TMEM178B: variants seen among roughly 807,000 people sequenced by gnomAD.
TMEM178B encodes the protein transmembrane protein 178B.
Under a neutral mutation model 31.0 loss-of-function variants are expected in TMEM178B, and 5 were observed. The ratio of observed to expected loss-of-function variants is 0.16; its 90% CI spans 0.08 to 0.34. TMEM178B has a LOEUF of 0.34. Among genes scored for constraint, TMEM178B ranks in the 10% least tolerant of loss-of-function variants. The pLI, the probability that TMEM178B is intolerant of heterozygous loss-of-function variation, is 1.00. For missense variants in TMEM178B, 275 were observed against 400.3 expected, an observed-to-expected ratio of 0.69 and a Z score of 2.67; for synonymous variants, 164 against 164.0, an observed-to-expected ratio of 1.00 and a Z score of 0.00.
chr7:141,307,480 G>A (rs902328104), intron 2 of TMEM178B, among the ~76,000 whole-genome samples: 1 of 152,204 alleles, frequency 6.6e-6, no homozygotes, highest in African/African-American at 2.4e-5. Context: ...CCTCAGTAGG[G>A]CTCCTTTCTG....
chr7:141,489,075 G>A, the TMEM178B span, among the ~76,000 whole-genome samples: 1 of 152,000 alleles, frequency 6.6e-6, no homozygotes, highest in Non-Finnish European at 1.5e-5. Context: ...ACTTTTTTCT[G>A]GTTGTTAAAA....
intron 2 of TMEM178B, among the ~76,000 whole-genome samples, chr7:141,361,622 A>G (rs73739806): frequency 5.0e-4 from 76 of 152,348 alleles, no homozygotes; most frequent in African/African-American, 1.6e-3. Flanking sequence ...ATATTTCTGC[A>G]TGACACAGTG....
chr7:141,122,092 T>A (rs1485754237), intron 1 of TMEM178B, among the ~76,000 whole-genome samples: 1 of 152,172 alleles, frequency 6.6e-6, no homozygotes, highest in African/African-American at 2.4e-5. Flanking sequence ...TCTGTTATTA[T>A]TAGAAATAAA....
At chr7:141,495,241 C>T in the TMEM178B span, among the ~76,000 whole-genome samples, 1 of 152,236 alleles carries the variant, frequency 6.6e-6, no homozygotes, top group East Asian at 1.9e-4. Context: ...AGCCAAGAGT[C>T]CACTAGAAAT....
At chr7:141,497,743 C>A in the TMEM178B span, among the ~76,000 whole-genome samples, 1 of 152,190 alleles carries the variant, frequency 6.6e-6, no homozygotes, top group Admixed American at 6.5e-5. Context: ...TTTCTGTATT[C>A]CCACTCTTAG....
At chr7:141,275,900 C>T (rs114542257) in intron 2 of TMEM178B, among the ~76,000 whole-genome samples, 3,712 of 152,228 alleles carry the variant, frequency 0.024, 142 homozygotes, top group African/African-American at 0.083. Context: ...AGAGGCTCCT[C>T]GTGCTACAAT....
the TMEM178B span, among the ~76,000 whole-genome samples, chr7:141,488,022 C>A: frequency 6.6e-6 from 1 of 151,460 alleles, no homozygotes; most frequent in Non-Finnish European, 1.5e-5. Flanking sequence ...AATTGTAGGC[C>A]TTAAAAGATA....
At chr7:141,303,251 A>G (rs1363676074) in intron 2 of TMEM178B, among the ~76,000 whole-genome samples, 2 of 152,094 alleles carry the variant, frequency 1.3e-5, no homozygotes, top group Non-Finnish European at 2.9e-5. Flanking sequence ...GGGATTGGAA[A>G]TGTGTCTAGC....
At chr7:141,342,000 T>C (rs574480039) in intron 2 of TMEM178B, among the ~76,000 whole-genome samples, 1 of 152,184 alleles carries the variant, frequency 6.6e-6, no homozygotes, top group African/African-American at 2.4e-5. Flanking sequence ...CAGGCCGGAG[T>C]GCAGTAGTGT....
intron 1 of TMEM178B, among the ~76,000 whole-genome samples, chr7:141,160,620 A>G (rs1320543973): frequency 6.6e-6 from 1 of 152,136 alleles, no homozygotes; most frequent in South Asian, 2.1e-4. Context: ...ACTGCTTGTT[A>G]AGTGGTGTTT....
intron 2 of TMEM178B, among the ~76,000 whole-genome samples, chr7:141,337,167 C>T (rs868663634): frequency 1.6e-4 from 10 of 61,172 alleles, no homozygotes; most frequent in Admixed American, 5.2e-4. Flanking sequence ...ATCACCACCA[C>T]CACCACCACC....
intron 1 of TMEM178B, among the ~76,000 whole-genome samples, chr7:141,075,988 G>A (rs1196166441): frequency 1.3e-5 from 2 of 152,192 alleles, no homozygotes; most frequent in Non-Finnish European, 2.9e-5. Flanking sequence ...AGATTTAGGT[G>A]AGGTGGCTTC....
intron 2 of TMEM178B, among the ~76,000 whole-genome samples, chr7:141,253,483 A>G (rs572842532): frequency 7.0e-6 from 1 of 143,492 alleles, no homozygotes; most frequent in African/African-American, 2.6e-5. Context: ...TAAGTTAAAT[A>G]TTTATTAGTT....
At chr7:141,291,973 C>CCTT in intron 2 of TMEM178B, among the ~76,000 whole-genome samples, 1 of 150,300 alleles carries the variant, frequency 6.7e-6, no homozygotes, top group Non-Finnish European at 1.5e-5. Context: ...TGCTCTTTTC[C>CCTT]CTTTCCTTAT....
chr7:141,312,314 T>C (rs571640301), intron 2 of TMEM178B, among the ~76,000 whole-genome samples: 1 of 152,358 alleles, frequency 6.6e-6, no homozygotes, highest in East Asian at 1.9e-4. Flanking sequence ...GTTTTCTGTC[T>C]TAGTGAATGG....
intron 2 of TMEM178B, among the ~76,000 whole-genome samples, chr7:141,264,046 C>T (rs938869922): frequency 1.2e-4 from 19 of 152,298 alleles, no homozygotes; most frequent in South Asian, 2.1e-4. Context: ...ACAGTATACA[C>T]GGAGCATTGC....
At chr7:141,465,366 G>T (rs901962576) in intron 3 of TMEM178B, among the ~76,000 whole-genome samples, 8 of 152,060 alleles carry the variant, frequency 5.3e-5, no homozygotes, top group African/African-American at 1.9e-4. Context: ...TTTCCTAGAG[G>T]ACCTGCCCCC....
chr7:141,356,492 T>C (rs1799821145), intron 2 of TMEM178B, among the ~76,000 whole-genome samples: 1 of 152,230 alleles, frequency 6.6e-6, no homozygotes, highest in Admixed American at 6.5e-5. Flanking sequence ...CATTTTTTCA[T>C]ATGTTTGTTG....
chr7:141,395,934 G>A (rs954530075), intron 2 of TMEM178B, among the ~76,000 whole-genome samples: 1 of 152,062 alleles, frequency 6.6e-6, no homozygotes, highest in Non-Finnish European at 1.5e-5. Flanking sequence ...GGAGAGGGAG[G>A]GGGCGGCACT....
Sources: allele counts gnomAD v4.1 joint callset (sites outside exome capture counted in the v4.1 genomes callset), GRCh38; gene constraint gnomAD v4.1.1; transcripts MANE v1.5; gene names NCBI Gene and HGNC (gene_info 2026-07-23, HGNC 2026-07-21).